Variants in ATP10D observed in about 807,000 individuals in gnomAD.
ATP10D encodes ATPase phospholipid transporting 10D (putative).
ATP10D carries 89 observed loss-of-function variants against 144.8 expected under a neutral mutation model. The observed-to-expected ratio is 0.61, with a 90% CI of 0.52 to 0.73. ATP10D has a LOEUF of 0.73. ATP10D is among the 30% of genes least tolerant of loss of function. ATP10D has a pLI of 0.00. For missense variants in ATP10D, 1,603 were observed against 1,714.8 expected (o/e 0.93, Z 1.15); for synonymous variants, 571 against 615.1 (o/e 0.93, Z 1.06).
chr4:47,582,882 A>G (rs1720594826), intron 21 of ATP10D: 1 of 152,108 alleles, frequency 6.6e-6, no homozygotes, highest in Admixed American at 6.5e-5. Flanking sequence ...AGGTGCAGTG[A>G]CTCACACCTG....
chr4:47,486,099 C>T (rs1221030585), intron 1 of ATP10D, among the ~76,000 whole-genome samples: 2 of 152,162 alleles, frequency 1.3e-5, no homozygotes, highest in East Asian at 3.8e-4. Context: ...AGGAGTGCTA[C>T]AAAGAAGCCC....
At chr4:47,534,981 C>G (rs765759928) in intron 5 of ATP10D, among the ~76,000 whole-genome samples, 4 of 151,958 alleles carry the variant, frequency 2.6e-5, no homozygotes, top group Non-Finnish European at 5.9e-5. Context: ...TACTATGCAG[C>G]CATAAAAAGG....
At chr4:47,537,758 C>A (rs1038814055) in intron 9 of ATP10D, among the ~76,000 whole-genome samples, 5 of 152,056 alleles carry the variant, frequency 3.3e-5, no homozygotes, top group Admixed American at 2.6e-4. Flanking sequence ...TATATGTGGT[C>A]AAACTTAGTT....
intron 4 of ATP10D, 90 bp downstream of exon 4, chr4:47,523,306 T>C: frequency 9.4e-7 from 1 of 1,065,296 alleles, no homozygotes; most frequent in Admixed American, 2.1e-5. Flanking sequence ...AAAGAGATTT[T>C]TAATTCATTT....
At chr4:47,590,977 G>C (rs1371705439) in intron 22 of ATP10D, 65 bp from the exon 23 acceptor site, 16 of 492,470 alleles carry the variant, frequency 3.2e-5, no homozygotes, top group Middle Eastern at 7.8e-4. Context: ...GTTAGTATTT[G>C]GGGGGGGGGG....
intron 1 of ATP10D, among the ~76,000 whole-genome samples, chr4:47,489,985 C>A (rs1232653219): frequency 1.3e-5 from 2 of 152,116 alleles, no homozygotes; most frequent in African/African-American, 4.8e-5. Context: ...GTAAAACTTA[C>A]AAGGTTTTAA....
At chr4:47,533,423 A>G (rs1464508899) in intron 5 of ATP10D, among the ~76,000 whole-genome samples, 1 of 152,206 alleles carries the variant, frequency 6.6e-6, no homozygotes, top group Non-Finnish European at 1.5e-5. Context: ...TTTACAATGT[A>G]TGGGAGTGAA....
intron 1 of ATP10D, among the ~76,000 whole-genome samples, chr4:47,493,012 T>C (rs1715162242): frequency 6.6e-6 from 1 of 152,212 alleles, no homozygotes; most frequent in Non-Finnish European, 1.5e-5. Flanking sequence ...TTTCAGGGGC[T>C]AAATTCTTTC....
chr4:47,536,196 A>T (rs1289808514), intron 7 of ATP10D, among the ~76,000 whole-genome samples, 163 bp downstream of exon 7: 2 of 152,132 alleles, frequency 1.3e-5, no homozygotes, highest in African/African-American at 4.8e-5. Context: ...GAAAAATATT[A>T]ATATTGACTC....
Position 47,546,747 on chromosome 4 carries a change from G to T in ATP10D, c.1520G>T (p.Gly507Val), listed in dbSNP as rs763879616. The T allele has an allele frequency of 1.2e-6, 2 of 1,614,064 alleles. No homozygotes were observed. Among genetic ancestry groups the T allele is most frequent in the Non-Finnish European group, 1.7e-6 (2 of 1,179,988 alleles). The change falls in exon 10 of 23, where the codon GGG becomes GTG. Residue 507 changes from glycine to valine, a missense_variant. Transcript: ENST00000273859. ...RAPSCRTVHN[G>V]PLGNKPSNHL... ...CCCAGCTGCAGGACAGTTCATAATG[G>T]GCCTTTGGGAAATAAGCCCTCAAAT... is the stretch of plus-strand genomic sequence containing the variant.
intron 15 of ATP10D, among the ~76,000 whole-genome samples, chr4:47,567,030 A>C (rs1169413893): frequency 1.5e-5 from 2 of 137,370 alleles, no homozygotes; most frequent in East Asian, 5.0e-4. Flanking sequence ...ATATGGCACC[A>C]AATAGCCCAT....
rs192467052 is a variant in ATP10D, at chr4:47,487,791, A to G, written c.-38+2272A>G. 1.4e-4 allele frequency among the ~76,000 whole-genome samples: 22 copies of G among 152,330 alleles called. No individual in the cohort carries two copies. In the East Asian group the frequency reaches 3.7e-3, roughly 25 times the overall value. On this transcript the variant is annotated intron_variant, in intron 1 of 22. Coordinates refer to ENST00000273859, the MANE Select transcript of ATP10D (RefSeq NM_020453.4). Reference sequence around the variant, plus strand: ...AATGGAATTTTTTTAATGCTACTCAATAAAAGGTATATCAATACAACTATT... The same window carrying G: ...AATGGAATTTTTTTAATGCTACTCAGTAAAAGGTATATCAATACAACTATT...
rs546172004 is a variant in ATP10D, at chr4:47,579,727, G to A, written c.3568-671G>A. Among the ~76,000 whole-genome samples, 10 of 152,342 alleles carry A rather than the reference G, an allele frequency of 6.6e-5. No homozygotes were observed. The East Asian group carries it at 1.5e-3, about 23-fold the overall frequency. Reference sequence around the variant, plus strand: ...ACTATTGAGTGGGCAAACCATGTAGGACCTTATAGGTCATGAGAAGAAACT... The same window carrying A: ...ACTATTGAGTGGGCAAACCATGTAGAACCTTATAGGTCATGAGAAGAAACT... On this transcript the variant is annotated intron_variant, in intron 19 of 22. Coordinates refer to ENST00000273859, the MANE Select transcript of ATP10D (RefSeq NM_020453.4).
At chr4:47,587,231 G>A (rs1234967811) in intron 22 of ATP10D, 25 bp downstream of exon 22, 2 of 1,579,364 alleles carry the variant, frequency 1.3e-6, no homozygotes, top group Non-Finnish European at 1.7e-6. Flanking sequence ...TTATCATTGA[G>A]AGAATAAATG....
At chr4:47,514,730 C>CTT (rs1374372233) in intron 2 of ATP10D, among the ~76,000 whole-genome samples, 1 of 152,044 alleles carries the variant, frequency 6.6e-6, no homozygotes, top group African/African-American at 2.4e-5. Context: ...AAGAAATAGG[C>CTT]TTTTCTACTC....
rs1222175179 is a variant in ATP10D at position 47,546,735 on chromosome 4, C to A, written c.1508C>A (p.Thr503Lys). 2.5e-6 allele frequency: 4 copies of A among 1,613,970 alleles called. No individual in the cohort carries two copies. The highest frequency in any genetic ancestry group is 3.3e-4 in the Middle Eastern group (2 of 6,076). ...AAACCGAGAGCCCCCAGCTGCAGGA[C>A]AGTTCATAATGGGCCTTTGGGAAAT... ...MAKPRAPSCR[T>K]VHNGPLGNKP... is the part of the protein sequence containing the mutation. The change falls in exon 10 of 23, where the codon ACA becomes AAA. Residue 503 changes from threonine (T) to lysine (K), a missense_variant. By Grantham distance (78) the Thr-to-Lys change is moderately conservative. Coordinates refer to ENST00000273859, the MANE Select transcript of ATP10D (RefSeq NM_020453.4).
chr4:47,536,530 T>G lies in ATP10D; in HGVS notation c.1109T>G (p.Phe370Cys). ...ATCATATCACCACTGTTGGCAGGAT[T>G]TTATATGTTTTGGACCATGATCATT... ...GHIISPLLAGFYMFWTMIILL... is the reference protein window; with the variant it reads ...GHIISPLLAGCYMFWTMIILL... Residue 370 changes from phenylalanine (F) to cysteine (C), a missense_variant, in exon 8 of 23, where the codon TTT (phenylalanine) becomes TGT (cysteine). Phe to Cys is a radical substitution (Grantham distance 205). Coordinates refer to ENST00000273859, the MANE Select transcript of ATP10D (RefSeq NM_020453.4). 1 of 1,613,620 alleles carries G rather than the reference T, an allele frequency of 6.2e-7. No homozygotes were observed. The highest frequency in any genetic ancestry group is 8.5e-7 in the Non-Finnish European group (1 of 1,179,698).
At chr4:47,487,725 G>A (rs1169658353) in intron 1 of ATP10D, among the ~76,000 whole-genome samples, 1 of 152,144 alleles carries the variant, frequency 6.6e-6, no homozygotes, top group African/African-American at 2.4e-5. Flanking sequence ...GCAGAATAAG[G>A]ACTAACAGTG....
chr4:47,486,541 G>A (rs891905818), intron 1 of ATP10D, among the ~76,000 whole-genome samples: 6 of 152,098 alleles, frequency 3.9e-5, no homozygotes, highest in African/African-American at 4.8e-5. Context: ...TAGCATCATC[G>A]AAAACCCTTG....
Sources: gnomAD v4.1 joint callset for allele counts (sites outside exome capture counted in the v4.1 genomes callset) on GRCh38, gnomAD v4.1.1 for gene constraint, MANE v1.5 for transcripts, NCBI Gene and HGNC (gene_info 2026-07-23, HGNC 2026-07-21) for gene names.